Variants in PDE3A observed in about 807,000 individuals in gnomAD.
The protein encoded by PDE3A is cGMP-inhibited 3',5'-cyclic phosphodiesterase 3A.
PDE3A carries 43 observed loss-of-function variants against 98.3 expected under a neutral mutation model. The observed-to-expected ratio is 0.44, with a 90% CI of 0.34 to 0.56. The LOEUF (loss-of-function observed/expected upper bound fraction) is 0.56. PDE3A is among the 20% of genes least tolerant of loss of function. The probability of loss-of-function intolerance (pLI) is 0.01; values close to 1 mark genes in which losing one functional copy is unlikely to be tolerated. For missense variants in PDE3A, 1,427 were observed against 1,440.7 expected (o/e 0.99, Z 0.15); for synonymous variants, 663 against 567.9 (o/e 1.17, Z -2.38).
chr12:20,609,580 A>T (rs1050457854), intron 2 of PDE3A, among the ~76,000 whole-genome samples: 1 of 151,974 alleles, frequency 6.6e-6, no homozygotes, highest in Non-Finnish European at 1.5e-5. Flanking sequence ...ACCACAAAAA[A>T]CCCCAAATAG....
chr12:20,427,317 G>T (rs1944616756), intron 1 of PDE3A, among the ~76,000 whole-genome samples: 1 of 152,156 alleles, frequency 6.6e-6, no homozygotes. Context: ...GACAATACTT[G>T]AGATTTGTAC....
chr12:20,557,141 T>C (rs1204479117), intron 2 of PDE3A: 1 of 167,200 alleles, frequency 6.0e-6, no homozygotes, highest in African/African-American at 2.4e-5. Context: ...ATTAACTCTC[T>C]TCATCTGAGG....
Position 20,570,407 on chromosome 12 carries a change from CAAAAAAAAAAAAAAAAA to C in PDE3A, c.1011+13712_1011+13728del, listed in dbSNP as rs61242685. 1.9e-3 allele frequency among the ~76,000 whole-genome samples: 81 copies of C among 43,358 alleles called. 1 individual carries two copies. In the Admixed American group the frequency reaches 0.027, roughly 14 times the overall value. 28.4% of individuals were successfully genotyped at this position (43,358 alleles called of 152,430 possible). On this transcript the variant is annotated intron_variant, in intron 2 of 15. Transcript: ENST00000359062. ...TGGGCAACAGAATGCGACGCTGTCT[CAAAAAAAAAAAAAAAAA>C]AAAAAAAAAAAAAAGGTGTAAAGGG...
At chr12:20,490,053 A>T (rs1338366621) in intron 1 of PDE3A, among the ~76,000 whole-genome samples, 1 of 152,100 alleles carries the variant, frequency 6.6e-6, no homozygotes, top group East Asian at 1.9e-4. Context: ...GGTAAGCTAG[A>T]TTCATCTTTT....
chr12:20,407,510 G>A (rs1944253490), intron 1 of PDE3A, among the ~76,000 whole-genome samples: 1 of 152,078 alleles, frequency 6.6e-6, no homozygotes, highest in Admixed American at 6.5e-5. Flanking sequence ...TCTAAATCTA[G>A]CAAAACAAGC....
chr12:20,644,144 A>C (rs940815010), intron 10 of PDE3A, among the ~76,000 whole-genome samples: 3 of 152,146 alleles, frequency 2.0e-5, no homozygotes, highest in African/African-American at 7.2e-5. Context: ...ATATCTCCCA[A>C]AAGTGGAACC....
At position 20,683,165 on chromosome 12, in the gene PDE3A, A is replaced by C. The variant is rs2120514436; in HGVS notation, c.*2894A>C. 1 of 152,274 alleles carries C rather than the reference A, an allele frequency of 6.6e-6. No individual in the cohort carries two copies. The highest frequency in any genetic ancestry group is 2.4e-5 in the African/African-American group (1 of 41,552). 9.4% of individuals were successfully genotyped at this position (152,274 alleles called of 1,614,324 possible). On this transcript the variant is annotated 3_prime_UTR_variant, in exon 16 of 16. Coordinates refer to ENST00000359062, the MANE Select transcript of PDE3A (RefSeq NM_000921.5). ...TAAATAAAGGGATGAAGATCCACTA[A>C]GTTTGTGACTTTCATACACACCCAG...
chr12:20,427,548 C>A (rs1223274757), intron 1 of PDE3A, among the ~76,000 whole-genome samples: 1 of 152,108 alleles, frequency 6.6e-6, no homozygotes, highest in African/African-American at 2.4e-5. Context: ...GTCAAAATAT[C>A]AGCCATTCTG....
intron 1 of PDE3A, among the ~76,000 whole-genome samples, chr12:20,466,686 A>G (rs11045266): frequency 0.29 from 43,898 of 152,082 alleles, 8,119 homozygotes; most frequent in East Asian, 0.68. Context: ...TGTTCTAGAG[A>G]AATCTAATGT....
At chr12:20,404,219 G>A (rs1944186931) in intron 1 of PDE3A, among the ~76,000 whole-genome samples, 2 of 152,038 alleles carry the variant, frequency 1.3e-5, no homozygotes, top group African/African-American at 2.4e-5. Context: ...CAAATTTTAC[G>A]ATAGTTTTTG....
chr12:20,590,338 T>C (rs1407774932), intron 2 of PDE3A, among the ~76,000 whole-genome samples: 3 of 148,506 alleles, frequency 2.0e-5, no homozygotes, highest in African/African-American at 7.5e-5. Context: ...TTTTCTTCTC[T>C]CAACTGCAGG....
At chr12:20,419,151 T>A (rs1591911077) in intron 1 of PDE3A, among the ~76,000 whole-genome samples, 1 of 152,316 alleles carries the variant, frequency 6.6e-6, no homozygotes, top group South Asian at 2.1e-4. Flanking sequence ...AAATTTCTTT[T>A]AAAAATCTTA....
Position 20,654,072 on chromosome 12 carries a change from T to G in PDE3A, c.3051T>G (p.Asp1017Glu). 2 of 1,614,114 alleles carry G rather than the reference T, an allele frequency of 1.2e-6. No homozygotes were observed. The highest frequency in any genetic ancestry group is 1.7e-6 in the Non-Finnish European group (2 of 1,180,004). Residue 1017 changes from aspartate (D) to glutamate (E), a missense_variant, in exon 15 of 16, where the codon GAT becomes GAG. Asp to Glu is a conservative substitution (Grantham distance 45, BLOSUM62 2). Around this residue, in one of 3 missense-constraint regions of PDE3A, gnomAD observed 273 missense variants for 420.3 expected, o/e 0.65. Coordinates refer to ENST00000359062, the MANE Select transcript of PDE3A (RefSeq NM_000921.5). ...HIVGPLCNSY[D>E]SAGLMPGKWV... Reference sequence around the variant, plus strand: ...TGGGGCCTCTGTGCAACTCCTATGATTCAGCAGGACTAATGCCTGGAAAAT... The same window carrying G: ...TGGGGCCTCTGTGCAACTCCTATGAGTCAGCAGGACTAATGCCTGGAAAAT...
intron 2 of PDE3A, among the ~76,000 whole-genome samples, chr12:20,606,599 T>C (rs117315355): frequency 0.037 from 5,643 of 151,616 alleles, 139 homozygotes; most frequent in Non-Finnish European, 0.055. Context: ...TGGCTCACGC[T>C]TATAATCCCA....
chr12:20,403,957 C>T (rs1038951754), intron 1 of PDE3A, among the ~76,000 whole-genome samples: 5 of 151,996 alleles, frequency 3.3e-5, no homozygotes, highest in African/African-American at 7.2e-5. Context: ...TTTAGTTACT[C>T]TTTAGATTTC....
chr12:20,520,723 C>G (rs1946407910), intron 1 of PDE3A, among the ~76,000 whole-genome samples: 1 of 152,182 alleles, frequency 6.6e-6, no homozygotes, highest in Admixed American at 6.5e-5. Context: ...GCTTTGTATG[C>G]TCAGAAGCAC....
chr12:20,372,708 A>C (rs1943498986), intron 1 of PDE3A, among the ~76,000 whole-genome samples: 1 of 151,868 alleles, frequency 6.6e-6, no homozygotes, highest in South Asian at 2.1e-4. Context: ...AGTATATAAC[A>C]CTCCCCTGAA....
chr12:20,634,790 C>G, intron 7 of PDE3A, 112 bp from the exon 8 acceptor site: 1 of 733,308 alleles, frequency 1.4e-6, no homozygotes, highest in South Asian at 1.5e-5. Context: ...CTCAGGAAAG[C>G]AGTATTTCCC....
At chr12:20,616,174 A>C in intron 3 of PDE3A, 56 bp from the exon 4 acceptor site, 1 of 1,491,116 alleles carries the variant, frequency 6.7e-7, no homozygotes, top group South Asian at 1.2e-5. Flanking sequence ...ATTATATTAC[A>C]TAAAATTTAA....
Sources: allele counts gnomAD v4.1 joint callset (sites outside exome capture counted in the v4.1 genomes callset), GRCh38; gene constraint gnomAD v4.1.1; regional missense constraint gnomAD v4.1.1; transcripts MANE v1.5; gene names NCBI Gene and HGNC (gene_info 2026-07-23, HGNC 2026-07-21).